RTTN: variants seen among roughly 807,000 people sequenced by gnomAD.
RTTN encodes rotatin.
Under a neutral mutation model 269.2 loss-of-function variants are expected in RTTN, and 182 were observed. The observed-to-expected ratio is 0.68, with a 90% confidence interval of 0.60 to 0.76. RTTN has a LOEUF of 0.76. Among genes scored for constraint, RTTN ranks in the 30% least tolerant of loss-of-function variants. The pLI, the probability that RTTN is intolerant of heterozygous loss-of-function variation, is 0.00. For missense variants in RTTN, 2,545 were observed against 2,608.6 expected (o/e 0.98, Z 0.53); for synonymous variants, 1,006 against 963.5 (o/e 1.04, Z -0.82).
At chr18:70,005,083 A>G (rs2056141889) in intron 48 of RTTN, 115 bp downstream of exon 48, 1 of 601,390 alleles carries the variant, frequency 1.7e-6, no homozygotes, top group East Asian at 2.9e-5. Context: ...CATACTGAAT[A>G]TTGGCACATT....
chr18:70,187,865 A>G (rs1362370834), intron 10 of RTTN, among the ~76,000 whole-genome samples: 1 of 152,230 alleles, frequency 6.6e-6, no homozygotes, highest in African/African-American at 2.4e-5. Flanking sequence ...GAATGATATC[A>G]CAGTAGCTAT....
At chr18:70,162,456 T>C (rs1363302852) in intron 14 of RTTN, among the ~76,000 whole-genome samples, 1 of 152,118 alleles carries the variant, frequency 6.6e-6, no homozygotes, top group East Asian at 1.9e-4. Flanking sequence ...TTTAATTGAC[T>C]CACAGTTCTG....
rs1238371660 is a variant in RTTN at position 70,190,584 on chromosome 18, C to A, written c.1143G>T (p.Gln381His). ...ELQFQQLSLP[Q>H]FCVSILESAV... The stretch of plus-strand genomic sequence containing the variant: ...CTGATTCCAGAATGGAGACACAAAA[C>A]TGGGGAAGACTGAGCTGCTGGAATT... The change falls in exon 9 of 49, where the codon CAG becomes CAT. Residue 381 changes from glutamine to histidine, a missense_variant. Coordinates refer to ENST00000640769, the MANE Select transcript of RTTN (RefSeq NM_173630.4). 1.9e-6 allele frequency: 3 copies of A among 1,613,682 alleles called. No homozygotes were observed. The highest frequency in any genetic ancestry group is 2.5e-6 in the Non-Finnish European group (3 of 1,179,766).
At chr18:70,042,373 T>C (rs1490563772) in intron 40 of RTTN, among the ~76,000 whole-genome samples, 5 of 128,728 alleles carry the variant, frequency 3.9e-5, no homozygotes, top group Non-Finnish European at 6.5e-5. Flanking sequence ...TTTCTTTTTT[T>C]TTTTTTTTTT....
intron 14 of RTTN, among the ~76,000 whole-genome samples, chr18:70,153,980 T>C (rs2060608517): frequency 6.6e-6 from 1 of 152,058 alleles, no homozygotes; most frequent in Admixed American, 6.6e-5. Flanking sequence ...AACAAGAAAA[T>C]AAAACATTAA....
At chr18:70,020,071 T>C (rs1432973175) in intron 45 of RTTN, among the ~76,000 whole-genome samples, 1 of 152,206 alleles carries the variant, frequency 6.6e-6, no homozygotes, top group East Asian at 1.9e-4. Context: ...TGTACTAGAA[T>C]TTATTTAACT....
intron 35 of RTTN, 70 bp from the exon 36 acceptor site, chr18:70,060,112 T>G (rs73964489): frequency 7.9e-7 from 1 of 1,268,564 alleles, no homozygotes; most frequent in East Asian, 2.5e-5. Context: ...AAAGTTCTTA[T>G]AATCATAGGA....
At chr18:70,079,767 T>A (rs997691447) in intron 32 of RTTN, among the ~76,000 whole-genome samples, 1 of 152,134 alleles carries the variant, frequency 6.6e-6, no homozygotes, top group African/African-American at 2.4e-5. Flanking sequence ...TTATGTCATA[T>A]CAAGCTCCAA....
At chr18:70,132,280 C>G (rs2126193) in intron 23 of RTTN, among the ~76,000 whole-genome samples, 110,310 of 151,892 alleles carry the variant, frequency 0.73, 46,760 homozygotes, top group East Asian at 1. Context: ...GATCTGAACA[C>G]TATCAATAAA....
intron 11 of RTTN, among the ~76,000 whole-genome samples, chr18:70,174,489 T>C (rs78129423): frequency 0.054 from 8,142 of 152,120 alleles, 759 homozygotes; most frequent in African/African-American, 0.18. Flanking sequence ...GTAATGCCAC[T>C]AGGAATTTAA....
intron 28 of RTTN, among the ~76,000 whole-genome samples, chr18:70,105,837 A>C: frequency 6.6e-6 from 1 of 152,250 alleles, no homozygotes. Flanking sequence ...TATTTTTATA[A>C]TCATTTATGC....
intron 12 of RTTN, among the ~76,000 whole-genome samples, chr18:70,167,698 C>T (rs1187760354): frequency 6.9e-6 from 1 of 144,806 alleles, no homozygotes; most frequent in Admixed American, 6.9e-5. Flanking sequence ...AGTGAGATTT[C>T]GTCTCAAAAA....
At chr18:70,052,640 AC>A (rs1208773143) in intron 38 of RTTN, among the ~76,000 whole-genome samples, 3 of 86,962 alleles carry the variant, frequency 3.4e-5, no homozygotes, top group Non-Finnish European at 5.7e-5. Flanking sequence ...TAATTTATTT[AC>A]TTATATATAT....
At chr18:70,147,834 A>G (rs1448376865) in intron 17 of RTTN, among the ~76,000 whole-genome samples, 5 of 152,040 alleles carry the variant, frequency 3.3e-5, no homozygotes, top group African/African-American at 1.2e-4. Context: ...AATGCCCCCT[A>G]TTGTGTTAAT....
chr18:70,154,319 T>C (rs1183503087), intron 14 of RTTN, among the ~76,000 whole-genome samples: 1 of 152,172 alleles, frequency 6.6e-6, no homozygotes, highest in Non-Finnish European at 1.5e-5. Flanking sequence ...TTGAAATTCA[T>C]CATATACCAA....
chr18:70,104,338 T>C (rs1367420886), intron 28 of RTTN, among the ~76,000 whole-genome samples: 1 of 152,218 alleles, frequency 6.6e-6, no homozygotes, highest in Non-Finnish European at 1.5e-5. Flanking sequence ...TTCAGCTCCA[T>C]CAGGTCATTT....
intron 11 of RTTN, among the ~76,000 whole-genome samples, chr18:70,171,612 G>C (rs930204785): frequency 1.3e-5 from 2 of 152,166 alleles, no homozygotes; most frequent in Non-Finnish European, 2.9e-5. Flanking sequence ...TAGCTGTCCT[G>C]CATATATAAG....
rs939166395 is a variant in RTTN at position 70,009,590 on chromosome 18, T to C, written c.6422-3106A>G. ...GAGCTCCTGAAGGAAGCACTAAATA[T>C]GGAAAGGAAAAACCTGTACCAGCCA... On this transcript the variant is annotated intron_variant, in intron 46 of 48. Coordinates refer to ENST00000640769, the MANE Select transcript of RTTN (RefSeq NM_173630.4). Among the ~76,000 whole-genome samples, 7 of 151,988 alleles carry C rather than the reference T, an allele frequency of 4.6e-5. No homozygotes were observed. The East Asian group carries it at 1.2e-3, about 25-fold the overall frequency.
chr18:70,146,090 C>T (rs2060385135), intron 17 of RTTN, among the ~76,000 whole-genome samples: 1 of 152,150 alleles, frequency 6.6e-6, no homozygotes, highest in South Asian at 2.1e-4. Flanking sequence ...AAATCAATAA[C>T]TCCTGTCTTC....
Sources: allele counts gnomAD v4.1 joint callset (sites outside exome capture counted in the v4.1 genomes callset), GRCh38; gene constraint gnomAD v4.1.1; transcripts MANE v1.5; gene names NCBI Gene and HGNC (gene_info 2026-07-23, HGNC 2026-07-21).